MYZAP: variants seen among roughly 807,000 people sequenced by gnomAD.
MYZAP encodes the protein myocardial zonula adherens protein.
Under a neutral mutation model 69.4 loss-of-function variants are expected in MYZAP, and 66 were observed. That is an observed-to-expected ratio of 0.95 (90% CI 0.78 to 1.17). MYZAP has a LOEUF of 1.17. Ranked by LOEUF, MYZAP falls within the 50% of genes most tolerant of loss-of-function variation. The probability of loss-of-function intolerance (pLI) is 0.00; values close to 1 mark genes in which losing one functional copy is unlikely to be tolerated. For missense variants in MYZAP, 611 were observed against 556.2 expected, an observed-to-expected ratio of 1.10 and a Z score of -0.99; for synonymous variants, 256 against 205.9, an observed-to-expected ratio of 1.24 and a Z score of -2.09.
At chr15:57,649,472 C>T (rs2037618506) in intron 10 of MYZAP, among the ~76,000 whole-genome samples, 1 of 152,208 alleles carries the variant, frequency 6.6e-6, no homozygotes, top group African/African-American at 2.4e-5. Flanking sequence ...AGAAACTTTT[C>T]TTAAGCTTAT....
At chr15:57,655,700 T>C in intron 10 of MYZAP, among the ~76,000 whole-genome samples, 1 of 152,322 alleles carries the variant, frequency 6.6e-6, no homozygotes, top group South Asian at 2.1e-4. Context: ...ACTAACATCC[T>C]GCATGATTGA....
At chr15:57,639,160 A>AT (rs550902488) in intron 9 of MYZAP, among the ~76,000 whole-genome samples, 86 of 150,664 alleles carry the variant, frequency 5.7e-4, no homozygotes, top group African/African-American at 2.0e-3. Context: ...ATTTACGTTT[A>AT]TTTTTTTACC....
chr15:57,675,544 T>G (rs190485576), intron 12 of MYZAP, among the ~76,000 whole-genome samples: 1 of 152,144 alleles, frequency 6.6e-6, no homozygotes, highest in African/African-American at 2.4e-5. Flanking sequence ...TGAACAAAAG[T>G]CATCTGTTCC....
chr15:57,676,480 A>G (rs990915076), intron 12 of MYZAP, among the ~76,000 whole-genome samples: 1 of 146,738 alleles, frequency 6.8e-6, no homozygotes, highest in East Asian at 2.0e-4. Flanking sequence ...ATATATATAG[A>G]CTCCGGATCT....
chr15:57,615,349 C>T (rs2041914779), intron 2 of MYZAP, among the ~76,000 whole-genome samples: 2 of 152,294 alleles, frequency 1.3e-5, no homozygotes, highest in East Asian at 1.9e-4. Context: ...GTATCTTGAT[C>T]TCTTTCTGTG....
intron 4 of MYZAP, 51 bp downstream of exon 4, chr15:57,621,751 A>C: frequency 6.3e-7 from 1 of 1,587,986 alleles, no homozygotes; most frequent in Middle Eastern, 1.7e-4. Context: ...GCAGGCTCAG[A>C]GTGGTCCCTC....
At chr15:57,605,447 C>T (rs1407183146) in intron 2 of MYZAP, among the ~76,000 whole-genome samples, 2 of 152,128 alleles carry the variant, frequency 1.3e-5, no homozygotes, top group Non-Finnish European at 2.9e-5. Context: ...TACAAGCTTG[C>T]TTTAGAGTTA....
chr15:57,678,774 G>T (rs2039273196), intron 12 of MYZAP, among the ~76,000 whole-genome samples: 1 of 152,066 alleles, frequency 6.6e-6, no homozygotes, highest in African/African-American at 2.4e-5. Flanking sequence ...GAATAGCATG[G>T]CCTCTCCTAC....
At chr15:57,671,621 T>G (rs1486477177) in intron 11 of MYZAP, among the ~76,000 whole-genome samples, 1 of 152,170 alleles carries the variant, frequency 6.6e-6, no homozygotes, top group African/African-American at 2.4e-5. Flanking sequence ...TATTAATGTA[T>G]TGTAAAATTT....
chr15:57,677,198 A>C (rs1388461600), intron 12 of MYZAP, among the ~76,000 whole-genome samples: 1 of 152,194 alleles, frequency 6.6e-6, no homozygotes, highest in Non-Finnish European at 1.5e-5. Flanking sequence ...CGGGGGGATG[A>C]GGAGGGTTAG....
intron 10 of MYZAP, chr15:57,646,630 T>C: frequency 1.0e-6 from 1 of 995,182 alleles, no homozygotes. Flanking sequence ...AAGGAGGTGC[T>C]CCCACCAGAT....
intron 8 of MYZAP, 21 bp from the exon 9 acceptor site, chr15:57,637,674 A>G: frequency 6.2e-7 from 1 of 1,609,174 alleles, no homozygotes; most frequent in Non-Finnish European, 8.5e-7. Context: ...TGATTAAAAT[A>G]TCAGTTTCTG....
chr15:57,677,062 C>T (rs180946793), intron 12 of MYZAP, among the ~76,000 whole-genome samples: 231 of 152,278 alleles, frequency 1.5e-3, no homozygotes, highest in Non-Finnish European at 8.4e-4. Context: ...ATGTGAAAGG[C>T]GCCAGGGAAG....
At chr15:57,598,726 C>A (rs1370690605) in intron 1 of MYZAP, among the ~76,000 whole-genome samples, 1 of 152,200 alleles carries the variant, frequency 6.6e-6, no homozygotes, top group Non-Finnish European at 1.5e-5. Context: ...GATAGTTCAG[C>A]CCCTATCTGT....
chr15:57,673,424 C>T (rs1390580973), intron 11 of MYZAP, among the ~76,000 whole-genome samples: 2 of 151,176 alleles, frequency 1.3e-5, no homozygotes, highest in African/African-American at 4.9e-5. Context: ...GTCTCTTTCT[C>T]TCTCTCTCTC....
At chr15:57,675,632 T>C (rs530350157) in intron 12 of MYZAP, among the ~76,000 whole-genome samples, 3 of 152,276 alleles carry the variant, frequency 2.0e-5, no homozygotes, top group African/African-American at 7.2e-5. Context: ...TCGGCAGATA[T>C]GTGATAACTA....
intron 11 of MYZAP, among the ~76,000 whole-genome samples, chr15:57,663,005 T>C (rs1407359225): frequency 6.6e-6 from 1 of 152,214 alleles, no homozygotes. Context: ...ATTGGCTCAG[T>C]GCCAGCCTTG....
At chr15:57,610,416 T>C (rs1274567022) in intron 2 of MYZAP, among the ~76,000 whole-genome samples, 1 of 152,184 alleles carries the variant, frequency 6.6e-6, no homozygotes, top group African/African-American at 2.4e-5. Flanking sequence ...TGAGCGAGTG[T>C]GCTGCCATGA....
intron 10 of MYZAP, chr15:57,646,699 A>G (rs2037463714): frequency 1.0e-6 from 1 of 987,876 alleles, no homozygotes. Context: ...CTATTTGTAT[A>G]TGGGAGGTGG....
Sources: gnomAD v4.1 joint callset for allele counts (sites outside exome capture counted in the v4.1 genomes callset) on GRCh38, gnomAD v4.1.1 for gene constraint, MANE v1.5 for transcripts, NCBI Gene and HGNC (gene_info 2026-07-23, HGNC 2026-07-21) for gene names.